The following KCNC2 variants were observed in gnomAD, a reference collection of about 807,000 sequenced individuals.
KCNC2 encodes potassium voltage-gated channel subfamily C member 2.
A neutral mutation model predicts 44.5 loss-of-function variants in KCNC2; 21 were observed. The observed-to-expected ratio is 0.47, with a 90% CI of 0.33 to 0.68. The LOEUF (loss-of-function observed/expected upper bound fraction) is 0.68, where lower values mean the gene tolerates loss of function less well. Among genes scored for constraint, KCNC2 ranks in the 30% least tolerant of loss-of-function variants. The probability of loss-of-function intolerance (pLI) is 0.01; values close to 1 mark genes in which losing one functional copy is unlikely to be tolerated. For synonymous variants in KCNC2, 391 were observed against 339.1 expected (o/e 1.15, Z -1.68); for missense variants, 589 against 826.2 (o/e 0.71, Z 3.52).
intron 2 of KCNC2, among the ~76,000 whole-genome samples, chr12:75,136,813 CCTAA>C (rs936602175): frequency 5.9e-5 from 9 of 152,028 alleles, no homozygotes; most frequent in Non-Finnish European, 1.0e-4. Flanking sequence ...GGGAATCCTC[CCTAA>C]CTAATTTTAT....
chr12:75,125,279 T>C (rs1164491068), intron 2 of KCNC2, among the ~76,000 whole-genome samples: 2 of 151,738 alleles, frequency 1.3e-5, no homozygotes, highest in Non-Finnish European at 2.9e-5. Flanking sequence ...GGGTGGATAA[T>C]AAATAGATCA....
chr12:75,138,766 G>A (rs955814267), intron 2 of KCNC2, among the ~76,000 whole-genome samples: 2 of 151,946 alleles, frequency 1.3e-5, no homozygotes, highest in African/African-American at 4.8e-5. Context: ...AGATCACGAG[G>A]TCAGGAAATC....
intron 2 of KCNC2, among the ~76,000 whole-genome samples, chr12:75,197,690 T>C (rs1208985373): frequency 6.6e-6 from 1 of 152,038 alleles, no homozygotes. Flanking sequence ...GAAACTCTGA[T>C]GCTTTTTTTC....
chr12:75,200,312 TC>T (rs1261068798), intron 2 of KCNC2, among the ~76,000 whole-genome samples: 1 of 151,844 alleles, frequency 6.6e-6, no homozygotes, highest in Non-Finnish European at 1.5e-5. Context: ...CTGAAACATG[TC>T]AGTTGTCTTC....
chr12:75,183,165 C>A (rs1275303433), intron 2 of KCNC2, among the ~76,000 whole-genome samples: 1 of 152,200 alleles, frequency 6.6e-6, no homozygotes, highest in Non-Finnish European at 1.5e-5. Flanking sequence ...AATCATAGTG[C>A]ATTAATTGAA....
intron 2 of KCNC2, among the ~76,000 whole-genome samples, chr12:75,087,844 C>G (rs1479186247): frequency 6.6e-6 from 1 of 152,020 alleles, no homozygotes; most frequent in African/African-American, 2.4e-5. Context: ...CAAAAAGCAT[C>G]TTCAGGCAGA....
chr12:75,079,755 G>T lies in KCNC2; in HGVS notation c.688-28438C>A, dbSNP rs556018351. On this transcript the variant is annotated intron_variant, in intron 2 of 4. Coordinates refer to ENST00000549446, the MANE Select transcript of KCNC2 (RefSeq NM_139137.4). Reference sequence around the variant, plus strand: ...CTGGAGTTTTTAGCTCTTAATTAGGGTTTCTCAATATAAAATAACCAAATA... The same window carrying T: ...CTGGAGTTTTTAGCTCTTAATTAGGTTTTCTCAATATAAAATAACCAAATA... 9.2e-5 allele frequency among the ~76,000 whole-genome samples: 14 copies of T among 152,126 alleles called. No homozygotes were observed. The South Asian group carries it at 2.9e-3, about 32-fold the overall frequency.
At chr12:75,052,732 A>T (rs1881314601) in intron 2 of KCNC2, among the ~76,000 whole-genome samples, 1 of 152,088 alleles carries the variant, frequency 6.6e-6, no homozygotes, top group African/African-American at 2.4e-5. Context: ...CTCCCTTTTT[A>T]CCTGGTTGAG....
At chr12:75,138,728 C>T (rs1369581813) in intron 2 of KCNC2, among the ~76,000 whole-genome samples, 1 of 152,062 alleles carries the variant, frequency 6.6e-6, no homozygotes, top group Non-Finnish European at 1.5e-5. Context: ...TGCTTATAAT[C>T]CCAGCACTGT....
At chr12:75,156,226 G>A (rs965769276) in intron 2 of KCNC2, among the ~76,000 whole-genome samples, 4 of 151,170 alleles carry the variant, frequency 2.6e-5, no homozygotes, top group East Asian at 2.0e-4. Flanking sequence ...TATGACTCAC[G>A]GGCCAAATCT....
intron 2 of KCNC2, among the ~76,000 whole-genome samples, chr12:75,147,218 A>G (rs1222393505): frequency 6.6e-6 from 1 of 152,166 alleles, no homozygotes; most frequent in Non-Finnish European, 1.5e-5. Context: ...GATAAACAAA[A>G]TGTGTGCAAG....
At chr12:75,154,274 G>T (rs537696974) in intron 2 of KCNC2, among the ~76,000 whole-genome samples, 1 of 151,974 alleles carries the variant, frequency 6.6e-6, no homozygotes, top group Non-Finnish European at 1.5e-5. Flanking sequence ...AGGAGAAATG[G>T]TTATGGAAGA....
At chr12:75,178,621 C>T (rs1340822865) in intron 2 of KCNC2, among the ~76,000 whole-genome samples, 1 of 151,932 alleles carries the variant, frequency 6.6e-6, no homozygotes, top group Non-Finnish European at 1.5e-5. Context: ...CTATTCAGAT[C>T]CTTGTAACCC....
At chr12:75,132,098 C>T (rs1012749823) in intron 2 of KCNC2, among the ~76,000 whole-genome samples, 1 of 152,010 alleles carries the variant, frequency 6.6e-6, no homozygotes, top group Non-Finnish European at 1.5e-5. Flanking sequence ...GTCAAGCTTC[C>T]ACTTTAAGGT....
At chr12:75,078,668 T>G (rs1193763217) in intron 2 of KCNC2, among the ~76,000 whole-genome samples, 1 of 152,166 alleles carries the variant, frequency 6.6e-6, no homozygotes, top group Non-Finnish European at 1.5e-5. Flanking sequence ...AGATCTTAAC[T>G]TGCTTAAGGG....
At chr12:75,153,614 T>TATAATA (rs141663542) in intron 2 of KCNC2, among the ~76,000 whole-genome samples, 1 of 151,174 alleles carries the variant, frequency 6.6e-6, no homozygotes, top group Non-Finnish European at 1.5e-5. Flanking sequence ...CCCCTAAATC[T>TATAATA]ATAATAATAA....
At chr12:75,070,093 C>T (rs1221601125) in intron 2 of KCNC2, among the ~76,000 whole-genome samples, 1 of 152,140 alleles carries the variant, frequency 6.6e-6, no homozygotes, top group Admixed American at 6.5e-5. Context: ...TAAGAAAATG[C>T]ACTTAATGAA....
In KCNC2 at chr12:75,073,288, C is replaced by T. The variant is rs553941437; in HGVS notation, c.688-21971G>A. On this transcript the variant is annotated intron_variant, in intron 2 of 4. Transcript: ENST00000549446. ...TAAAATAAACTTAATTCTCAAATAA[C>T]TTATTGGTTGGCTAACTTCTGCTAA... Among the ~76,000 whole-genome samples the T allele has an allele frequency of 2.0e-5, 3 of 152,124 alleles. No homozygotes were observed. In the East Asian group the frequency reaches 5.8e-4, roughly 29 times the overall value.
At chr12:75,089,391 A>G (rs1408424438) in intron 2 of KCNC2, among the ~76,000 whole-genome samples, 2 of 151,894 alleles carry the variant, frequency 1.3e-5, no homozygotes, top group African/African-American at 4.8e-5. Flanking sequence ...AAGCCTGTGT[A>G]ATATAACTAT....
Sources: gnomAD v4.1 joint callset for allele counts (sites outside exome capture counted in the v4.1 genomes callset) on GRCh38, gnomAD v4.1.1 for gene constraint, MANE v1.5 for transcripts, NCBI Gene and HGNC (gene_info 2026-07-23, HGNC 2026-07-21) for gene names.